PITPNA: variants seen among roughly 807,000 people sequenced by gnomAD.
PITPNA encodes the protein phosphatidylinositol transfer protein alpha isoform.
In PITPNA, 13 loss-of-function variants were observed where a neutral mutation model predicts 50.3. That is an observed-to-expected ratio of 0.26 (90% confidence interval 0.17 to 0.41). The LOEUF is 0.41. Ranked by LOEUF, PITPNA falls within the 10% of genes least tolerant of loss-of-function variation. The pLI is 1.00. For missense variants in PITPNA, 207 were observed against 333.4 expected (o/e 0.62, Z 2.95); for synonymous variants, 120 against 119.6 (o/e 1.00, Z -0.02).
intron 10 of PITPNA, among the ~76,000 whole-genome samples, chr17:1,526,464 TGTTAA>T (rs894612520): frequency 2.0e-5 from 3 of 152,246 alleles, no homozygotes; most frequent in African/African-American, 7.2e-5. Context: ...GCCTATTTTC[TGTTAA>T]GTTTAAAACT....
intron 10 of PITPNA, among the ~76,000 whole-genome samples, chr17:1,530,189 T>G (rs1482757226): frequency 6.6e-6 from 1 of 152,240 alleles, no homozygotes; most frequent in African/African-American, 2.4e-5. Flanking sequence ...GAGTTCCCCA[T>G]TACAGGCAGT....
chr17:1,536,898 T>C (rs1248258583), intron 7 of PITPNA, among the ~76,000 whole-genome samples: 1 of 148,962 alleles, frequency 6.7e-6, no homozygotes, highest in Non-Finnish European at 1.5e-5. Flanking sequence ...CGGCCGATTT[T>C]TTTTTTTTTT....
chr17:1,526,084 G>T (rs1003074743), intron 10 of PITPNA, among the ~76,000 whole-genome samples: 3 of 152,154 alleles, frequency 2.0e-5, no homozygotes, highest in African/African-American at 7.2e-5. Flanking sequence ...GAAAAAACAA[G>T]ACAAACCCAG....
rs2075771653 is a variant in PITPNA, at chr17:1,562,151, C to T, written c.20+390G>A. On this transcript the variant is annotated intron_variant, in intron 1 of 11. Transcript: ENST00000313486. The surrounding 1 kb of genome is among the most constrained non-coding windows in gnomAD (Gnocchi z 6.4). ...CTGGCCTCGCCCTCGCTGTCCCCGG[C>T]CTCTCCTCGGGTCCACTTGGGCCTC... 6.6e-6 allele frequency among the ~76,000 whole-genome samples: 1 copy of T among 152,176 alleles called. No homozygotes were observed. The highest frequency in any genetic ancestry group is 1.5e-5 in the Non-Finnish European group (1 of 68,022).
chr17:1,535,466 C>T lies in PITPNA; in HGVS notation c.509G>A (p.Arg170Gln), dbSNP rs1458871107. ...PAKFKSIKTG[R>Q]GPLGPNWKQE... ...CTTCCAATTGGGGCCCAAGGGTCCTCGGCCTGTTTTGATAGATTTAAATTT... is the reference window on the plus strand; with the variant it reads ...CTTCCAATTGGGGCCCAAGGGTCCTTGGCCTGTTTTGATAGATTTAAATTT... The change falls in exon 8 of 12, where the codon CGA (arginine) becomes CAA (glutamine). Residue 170 changes from arginine to glutamine, a missense_variant. Coordinates refer to ENST00000313486, the MANE Select transcript of PITPNA (RefSeq NM_006224.4). 2.5e-6 allele frequency: 4 copies of T among 1,613,352 alleles called. No individual in the cohort carries two copies. The highest frequency in any genetic ancestry group is 3.4e-6 in the Non-Finnish European group (4 of 1,179,376).
intron 9 of PITPNA, among the ~76,000 whole-genome samples, chr17:1,534,834 AC>A (rs1276011826): frequency 6.6e-6 from 1 of 152,220 alleles, no homozygotes; most frequent in Non-Finnish European, 1.5e-5. Flanking sequence ...CCCTGGAAGG[AC>A]AGCATTAAAC....
chr17:1,556,303 G>A (rs1411076340), intron 2 of PITPNA, among the ~76,000 whole-genome samples: 1 of 152,180 alleles, frequency 6.6e-6, no homozygotes, highest in Non-Finnish European at 1.5e-5. Flanking sequence ...ATCCTGATCA[G>A]CACTCACTTC....
chr17:1,534,991 C>T lies in PITPNA; in HGVS notation c.645+191G>A, dbSNP rs199528495. 5.3e-5 allele frequency among the ~76,000 whole-genome samples: 8 copies of T among 152,146 alleles called. No individual in the cohort carries two copies. The East Asian group carries it at 5.8e-4, about 11-fold the overall frequency. ...CCAAACACCCCCCACCGCACACACA[C>T]GCAGTCACTGGGAAGGCCTCAGCCG... On this transcript the variant is annotated intron_variant, in intron 9 of 11. Transcript: ENST00000313486.
intron 11 of PITPNA, among the ~76,000 whole-genome samples, chr17:1,520,753 G>A (rs1443367421): frequency 6.6e-6 from 1 of 152,184 alleles, no homozygotes; most frequent in African/African-American, 2.4e-5. Context: ...GCTGCTTTGG[G>A]AACATGGGGC....
intron 10 of PITPNA, among the ~76,000 whole-genome samples, chr17:1,530,494 G>A (rs564339270): frequency 2.2e-4 from 33 of 152,294 alleles, no homozygotes; most frequent in African/African-American, 6.0e-4. Flanking sequence ...GGGTCCGCCC[G>A]GACAGGGACT....
chr17:1,553,883 G>A (rs1376501154), intron 2 of PITPNA, among the ~76,000 whole-genome samples: 1 of 152,164 alleles, frequency 6.6e-6, no homozygotes, highest in Non-Finnish European at 1.5e-5. Flanking sequence ...CAGATTCCTG[G>A]TGGGGCCAAG....
chr17:1,522,440 T>C (rs2075521022), intron 10 of PITPNA, among the ~76,000 whole-genome samples: 1 of 151,928 alleles, frequency 6.6e-6, no homozygotes, highest in African/African-American at 2.4e-5. Flanking sequence ...TGGCGCAAAG[T>C]TGGCTTACTG....
intron 7 of PITPNA, among the ~76,000 whole-genome samples, chr17:1,536,750 C>T (rs1035545917): frequency 2.0e-5 from 3 of 151,392 alleles, no homozygotes; most frequent in Admixed American, 6.6e-5. Flanking sequence ...CCTGCGACCA[C>T]GCCAGGGTAA....
intron 1 of PITPNA, among the ~76,000 whole-genome samples, chr17:1,561,471 G>A (rs953654626): frequency 6.6e-6 from 1 of 151,840 alleles, no homozygotes; most frequent in African/African-American, 2.4e-5. Context: ...GAATCCCCTA[G>A]AAACAAGCTG....
At chr17:1,559,550 C>T (rs1010246044) in intron 1 of PITPNA, 5 of 153,746 alleles carry the variant, frequency 3.3e-5, no homozygotes, top group Non-Finnish European at 7.2e-5. Flanking sequence ...CGTTCGGTCC[C>T]CAGACCCTTG....
chr17:1,535,459 G>A lies in PITPNA; in HGVS notation c.516C>T (p.Pro172=), dbSNP rs775579892. 1.2e-6 allele frequency: 2 copies of A among 1,613,294 alleles called. No individual in the cohort carries two copies. The highest frequency in any genetic ancestry group is 1.7e-6 in the Non-Finnish European group (2 of 1,179,300). ...KFKSIKTGRG[P]LGPNWKQELV... ...ATGGTACCTTCCAATTGGGGCCCAA[G>A]GGTCCTCGGCCTGTTTTGATAGATT... Residue 172 remains proline (P), a synonymous_variant, in exon 8 of 12, where the codon CCC becomes CCT. Transcript: ENST00000313486.
chr17:1,521,486 A>G (rs992983604), intron 11 of PITPNA, 93 bp downstream of exon 11: 7 of 822,320 alleles, frequency 8.5e-6, no homozygotes, highest in African/African-American at 1.7e-5. Flanking sequence ...AAGGAGGAAT[A>G]GGTTTTCTGA....
At chr17:1,539,068 T>A (rs1161482220) in intron 6 of PITPNA, 116 bp from the exon 7 acceptor site, 2 of 641,266 alleles carry the variant, frequency 3.1e-6, no homozygotes, top group Admixed American at 5.7e-5. Context: ...AGATTCCTAA[T>A]GATAAGTAAT....
At position 1,562,581 on chromosome 17, in the gene PITPNA, C is replaced by G. The variant is rs1388122991; in HGVS notation, c.-21G>C. On this transcript the variant is annotated 5_prime_UTR_variant, in exon 1 of 12. Coordinates refer to ENST00000313486, the MANE Select transcript of PITPNA (RefSeq NM_006224.4). This position sits in a 1 kb window ranked among gnomAD's most constrained non-coding sequence, Gnocchi z 6.4. ...ACCATGTCGCTTCGCGGCTCGGTGGCTGCCCGCGGCCCGCCCGGCCTCCCG... is the reference window on the plus strand; with the variant it reads ...ACCATGTCGCTTCGCGGCTCGGTGGGTGCCCGCGGCCCGCCCGGCCTCCCG... 2.3e-6 allele frequency: 3 copies of G among 1,298,196 alleles called. No individual in the cohort carries two copies. Among genetic ancestry groups the G allele is most frequent in the Non-Finnish European group, 3.0e-6 (3 of 1,016,136 alleles). 80.4% of individuals were successfully genotyped at this position (1,298,196 alleles called of 1,614,324 possible). A position where few individuals can be genotyped will look rare whatever the true frequency, so the allele number is the denominator to read the frequency against.
Sources: gnomAD v4.1 joint callset for allele counts (sites outside exome capture counted in the v4.1 genomes callset) on GRCh38, gnomAD v4.1.1 for gene constraint, Gnocchi (gnomAD v3.1) non-coding constraint, MANE v1.5 for transcripts, NCBI Gene and HGNC (gene_info 2026-07-23, HGNC 2026-07-21) for gene names.